The following SAP130 variants were observed in gnomAD, a reference collection of about 807,000 sequenced individuals.
SAP130 encodes Sin3A associated protein 130.
A neutral mutation model predicts 103.2 loss-of-function variants in SAP130; 16 were observed. The ratio of observed to expected loss-of-function variants is 0.16; its 90% CI spans 0.10 to 0.24. The LOEUF (loss-of-function observed/expected upper bound fraction) is 0.24, where lower values mean the gene tolerates loss of function less well. Among genes scored for constraint, SAP130 ranks in the 10% least tolerant of loss-of-function variants. The probability of loss-of-function intolerance (pLI) is 1.00; values close to 1 mark genes in which losing one functional copy is unlikely to be tolerated. For synonymous variants in SAP130, 477 were observed against 497.0 expected, an observed-to-expected ratio of 0.96 and a Z score of 0.53; for missense variants, 990 against 1,359.7, an observed-to-expected ratio of 0.73 and a Z score of 4.28.
chr2:128,015,209 A>G (rs561747076), intron 4 of SAP130, among the ~76,000 whole-genome samples: 18 of 152,242 alleles, frequency 1.2e-4, no homozygotes, highest in African/African-American at 3.6e-4. Flanking sequence ...ATTACCTTTC[A>G]CACTTGTTTT....
intron 19 of SAP130, among the ~76,000 whole-genome samples, chr2:127,943,328 G>A (rs935477528): frequency 6.6e-6 from 1 of 152,150 alleles, no homozygotes; most frequent in Non-Finnish European, 1.5e-5. Flanking sequence ...TATAGAAATG[G>A]CCAAACATAT....
intron 9 of SAP130, 40 bp downstream of exon 9, chr2:128,000,015 CT>C: frequency 5.0e-6 from 8 of 1,592,192 alleles, no homozygotes; most frequent in South Asian, 1.1e-5. Context: ...CTCTTGCCTC[CT>C]TTTTCCCCAG....
Position 127,942,295 on chromosome 2 carries a change from G to T in SAP130, c.3015+129C>A. 1 of 1,104,590 alleles carries T rather than the reference G, an allele frequency of 9.1e-7. No individual in the cohort carries two copies. Among genetic ancestry groups the T allele is most frequent in the South Asian group, 1.5e-5 (1 of 67,876 alleles). The allele number at this position is 1,104,590 out of a possible 1,614,324, so 68.4% of individuals were successfully genotyped here. ...GAGAAAATGTCTTTTTGTTTCTCAG[G>T]AGTGCAGGCTGAAGCACGTATGTTT... On this transcript the variant is annotated intron_variant, in intron 20 of 20. Transcript: ENST00000643581. The surrounding 1 kb of genome is among the most constrained non-coding windows in gnomAD (Gnocchi z 4.8).
chr2:127,993,065 T>C lies in SAP130; in HGVS notation c.1477+122A>G, dbSNP rs148624883. 80 of 1,246,462 alleles carry C rather than the reference T, an allele frequency of 6.4e-5. No individual in the cohort carries two copies. In the East Asian group the frequency reaches 1.8e-3, roughly 28 times the overall value. The allele number at this position is 1,246,462 out of a possible 1,614,324, so 77.2% of individuals were successfully genotyped here. A position where few individuals can be genotyped will look rare whatever the true frequency, so the allele number is the denominator to read the frequency against. Reference sequence around the variant, plus strand: ...AGACCTTCAAGCTTCACATTTTATCTGAATCTGAAAACAGAAGCTGAAATA... The same window carrying C: ...AGACCTTCAAGCTTCACATTTTATCCGAATCTGAAAACAGAAGCTGAAATA... On this transcript the variant is annotated intron_variant, in intron 12 of 20. Transcript: ENST00000643581.
chr2:127,956,873 C>T (rs1679879797), intron 15 of SAP130, among the ~76,000 whole-genome samples: 1 of 152,132 alleles, frequency 6.6e-6, no homozygotes, highest in South Asian at 2.1e-4. Context: ...TTCCCCACTT[C>T]TTACTAACCA....
chr2:127,972,454 C>T (rs1681157453), intron 15 of SAP130, among the ~76,000 whole-genome samples: 1 of 151,984 alleles, frequency 6.6e-6, no homozygotes, highest in African/African-American at 2.4e-5. Context: ...TCTACAAAAA[C>T]AATATGAAAA....
intron 7 of SAP130, among the ~76,000 whole-genome samples, chr2:128,002,338 T>C (rs1434658779): frequency 6.6e-6 from 1 of 152,114 alleles, no homozygotes; most frequent in African/African-American, 2.4e-5. Context: ...AAGACCAGCC[T>C]GGCCAACATG....
chr2:128,017,993 T>C, intron 2 of SAP130, 78 bp from the exon 3 acceptor site: 7 of 1,174,052 alleles, frequency 6.0e-6, no homozygotes, highest in Middle Eastern at 2.1e-4. Context: ...GAGTGGTACC[T>C]GAAGTTAAAT....
At position 128,026,274 on chromosome 2, in the gene SAP130, G is replaced by T; in HGVS notation, c.19C>A (p.Pro7Thr). The change falls in exon 2 of 21, where the codon CCT becomes ACT. Residue 7 changes from proline (P) to threonine (T), a missense_variant. Physicochemically the swap from Pro to Thr is conservative, Grantham distance 38. Around this residue, in one of 6 missense-constraint regions of SAP130, gnomAD observed 167 missense variants for 187.4 expected, o/e 0.89. Transcript: ENST00000643581. ...CCGGTAGAAGGGGCTCCTAACCGAG[G>T]AAACTGTTGAGAACTCATTTCCACC... MSSQQFPRLGAPSTGLS... is the reference protein window; with the variant it reads MSSQQFTRLGAPSTGLS... The T allele has an allele frequency of 1.2e-6, 2 of 1,613,996 alleles. No individual in the cohort carries two copies. Among genetic ancestry groups the T allele is most frequent in the Non-Finnish European group, 1.7e-6 (2 of 1,179,892 alleles).
At chr2:128,001,678 T>C (rs1427857537) in intron 7 of SAP130, among the ~76,000 whole-genome samples, 1 of 152,164 alleles carries the variant, frequency 6.6e-6, no homozygotes, top group Non-Finnish European at 1.5e-5. Flanking sequence ...GTCTACAAAC[T>C]AGGAGCAATA....
intron 4 of SAP130, among the ~76,000 whole-genome samples, chr2:128,015,584 C>T (rs778272971): frequency 6.6e-6 from 1 of 152,052 alleles, no homozygotes; most frequent in Non-Finnish European, 1.5e-5. Context: ...TAATCAGGTA[C>T]ACAGCAGAGT....
At chr2:127,995,012 T>C (rs1683073980) in intron 11 of SAP130, among the ~76,000 whole-genome samples, 1 of 147,990 alleles carries the variant, frequency 6.8e-6, no homozygotes, top group Admixed American at 6.9e-5. Flanking sequence ...ATTAGAACAC[T>C]TAACAATAAC....
intron 15 of SAP130, among the ~76,000 whole-genome samples, chr2:127,965,260 G>A (rs1055050685): frequency 6.6e-6 from 1 of 152,168 alleles, no homozygotes; most frequent in African/African-American, 2.4e-5. Context: ...TTGCGCCACT[G>A]CACTCCAGCC....
At chr2:128,022,141 C>A (rs1685202854) in intron 2 of SAP130, among the ~76,000 whole-genome samples, 1 of 152,174 alleles carries the variant, frequency 6.6e-6, no homozygotes, top group Non-Finnish European at 1.5e-5. Context: ...CTCCAGAAAC[C>A]ACTGATCTGC....
At chr2:128,017,991 C>T in intron 2 of SAP130, 76 bp from the exon 3 acceptor site, 2 of 1,209,064 alleles carry the variant, frequency 1.7e-6, no homozygotes, top group Non-Finnish European at 2.3e-6. Flanking sequence ...AAGAGTGGTA[C>T]CTGAAGTTAA....
chr2:127,959,177 C>T (rs773027840), intron 15 of SAP130, among the ~76,000 whole-genome samples: 12 of 152,086 alleles, frequency 7.9e-5, no homozygotes, highest in African/African-American at 2.7e-4. Flanking sequence ...AGGAATGGCA[C>T]GGCAGTCAGT....
chr2:127,999,676 A>G, intron 10 of SAP130, 65 bp downstream of exon 10: 1 of 766,174 alleles, frequency 1.3e-6, no homozygotes. Flanking sequence ...ATCACCATGA[A>G]GGCCTAGTCT....
Position 128,002,709 on chromosome 2 carries a change from T to C in SAP130, c.870-2255A>G, listed in dbSNP as rs540819550. On this transcript the variant is annotated intron_variant, in intron 7 of 20. Coordinates refer to ENST00000643581, the MANE Select transcript of SAP130 (RefSeq NM_001330301.2). The stretch of plus-strand genomic sequence containing the variant: ...CTCCACTAAAAAGAACCAAGGAGAA[T>C]TGGCTTATTTGAAAACTAAAACAAA... Among the ~76,000 whole-genome samples, 14 of 152,032 alleles carry C rather than the reference T, an allele frequency of 9.2e-5. 1 individual carries two copies. In the South Asian group the frequency reaches 2.9e-3, roughly 32 times the overall value.
chr2:128,024,343 G>T (rs1490465968), intron 2 of SAP130, among the ~76,000 whole-genome samples: 2 of 151,940 alleles, frequency 1.3e-5, no homozygotes, highest in African/African-American at 4.8e-5. Flanking sequence ...AGGTTGGCAG[G>T]AGGAAGGCTA....
Sources: gnomAD v4.1 joint callset for allele counts (sites outside exome capture counted in the v4.1 genomes callset) on GRCh38, gnomAD v4.1.1 for gene constraint, gnomAD v4.1.1 regional missense constraint, Gnocchi (gnomAD v3.1) non-coding constraint, MANE v1.5 for transcripts, NCBI Gene and HGNC (gene_info 2026-07-23, HGNC 2026-07-21) for gene names.